Variants in MACROH2A1 observed in about 807,000 individuals in gnomAD.
MACROH2A1 encodes the protein core histone macro-H2A.1.
A neutral mutation model predicts 31.6 loss-of-function variants in MACROH2A1; 2 were observed. That is an observed-to-expected ratio of 0.06 (90% confidence interval 0.03 to 0.20). The LOEUF is 0.20. MACROH2A1 is among the 10% of genes least tolerant of loss of function. MACROH2A1 has a pLI of 1.00. For missense variants in MACROH2A1, 230 were observed against 474.0 expected, an observed-to-expected ratio of 0.49 and a Z score of 4.78; for synonymous variants, 169 against 189.6, an observed-to-expected ratio of 0.89 and a Z score of 0.89.
intron 8 of MACROH2A1, among the ~76,000 whole-genome samples, chr5:135,341,249 G>A (rs1377423316): frequency 6.6e-6 from 1 of 152,220 alleles, no homozygotes; most frequent in Non-Finnish European, 1.5e-5. Context: ...CAGAGAGGCT[G>A]ATTCATTTAA....
intron 2 of MACROH2A1, among the ~76,000 whole-genome samples, chr5:135,380,175 A>T (rs1022523322): frequency 6.6e-6 from 1 of 152,032 alleles, no homozygotes. Context: ...TCAATAAAAA[A>T]CTATTTACCA....
intron 5 of MACROH2A1, chr5:135,354,626 G>A (rs1761955473): frequency 5.4e-6 from 1 of 186,320 alleles, no homozygotes; most frequent in Admixed American, 5.6e-5. Flanking sequence ...TCAGAGCCCT[G>A]GCACCAGGAC....
chr5:135,391,834 G>A (rs368655936), intron 1 of MACROH2A1, among the ~76,000 whole-genome samples: 23 of 152,154 alleles, frequency 1.5e-4, no homozygotes, highest in African/African-American at 2.9e-4. Context: ...CCCTCCCTGC[G>A]TTGGTTCAGC....
At chr5:135,383,746 T>TGTGTGTGTGTG (rs1581331556) in intron 2 of MACROH2A1, among the ~76,000 whole-genome samples, 1 of 147,482 alleles carries the variant, frequency 6.8e-6, no homozygotes, top group Non-Finnish European at 1.5e-5. Flanking sequence ...TGTGTGTGTG[T>TGTGTGTGTGTG]TTTAATTTTA....
rs1031221893 is a variant in MACROH2A1, at chr5:135,343,074, T to A, written c.953+186A>T. Reference sequence around the variant, plus strand: ...TTAAGTTTTATATCATCCTTGGGATTTGGGTCTCTCTAATTGTCCCTCACC... The same window carrying A: ...TTAAGTTTTATATCATCCTTGGGATATGGGTCTCTCTAATTGTCCCTCACC... On this transcript the variant is annotated intron_variant, in intron 8 of 8. Coordinates refer to ENST00000511689, the MANE Select transcript of MACROH2A1 (RefSeq NM_138610.3). 2.2e-6 allele frequency: 3 copies of A among 1,390,986 alleles called. No homozygotes were observed. The African/African-American group carries it at 4.3e-5, about 20-fold the overall frequency. The allele number at this position is 1,390,986 out of a possible 1,614,324, so 86.2% of individuals were successfully genotyped here. A position where few individuals can be genotyped will look rare whatever the true frequency, so the allele number is the denominator to read the frequency against.
rs1758377504 is a variant in MACROH2A1 at position 135,334,701 on chromosome 5, T to C, written c.*275A>G. On this transcript the variant is annotated 3_prime_UTR_variant, in exon 9 of 9. Transcript: ENST00000511689. ...CTGCTGTGCGTCAATCAGGGTTTCA[T>C]TAAAATAAAACTATAAAATCTCCTA... is the stretch of plus-strand genomic sequence containing the variant. 3.0e-6 allele frequency: 1 copy of C among 332,160 alleles called. No individual in the cohort carries two copies. Among genetic ancestry groups the C allele is most frequent in the Admixed American group, 4.4e-5 (1 of 22,484 alleles). 20.6% of individuals were successfully genotyped at this position (332,160 alleles called of 1,614,324 possible).
At chr5:135,346,119 A>G (rs1197915793) in intron 6 of MACROH2A1, 62 bp from the exon 7 acceptor site, 11 of 952,534 alleles carry the variant, frequency 1.2e-5, no homozygotes, top group Non-Finnish European at 1.7e-5. Flanking sequence ...ACAGACACTT[A>G]GCATGTCAGG....
chr5:135,335,216 A>T (rs1758442670), intron 8 of MACROH2A1, 75 bp from the exon 9 acceptor site: 2 of 1,091,742 alleles, frequency 1.8e-6, no homozygotes, highest in African/African-American at 3.1e-5. Flanking sequence ...CTTACAGGCC[A>T]CCTCCCTCTG....
chr5:135,359,461 G>A (rs955239408), intron 5 of MACROH2A1: 9 of 981,992 alleles, frequency 9.2e-6, no homozygotes, highest in Non-Finnish European at 1.1e-5. Context: ...TTTGAAAAAT[G>A]CATACAAAAT....
chr5:135,381,964 G>A (rs1164916106), intron 2 of MACROH2A1, among the ~76,000 whole-genome samples: 2 of 152,198 alleles, frequency 1.3e-5, no homozygotes, highest in Non-Finnish European at 2.9e-5. Context: ...TTCAAAAACC[G>A]AAGTGGAGGA....
At position 135,350,748 on chromosome 5, in the gene MACROH2A1, T is replaced by C. The variant is rs1466852710; in HGVS notation, c.688+2198A>G. 9.4e-6 allele frequency: 8 copies of C among 854,444 alleles called. No homozygotes were observed. The East Asian group carries it at 2.0e-4, about 21-fold the overall frequency. 52.9% of individuals were successfully genotyped at this position (854,444 alleles called of 1,614,324 possible). A position where few individuals can be genotyped will look rare whatever the true frequency, so the allele number is the denominator to read the frequency against. ...AAATGAATGCAGCCCTGCATAGCTG[T>C]CAAAGGATCAAGCTGTCTGCAGCGG... On this transcript the variant is annotated intron_variant, in intron 6 of 8. Transcript: ENST00000511689.
intron 1 of MACROH2A1, among the ~76,000 whole-genome samples, chr5:135,393,973 C>G (rs1184909660): frequency 6.6e-6 from 1 of 152,166 alleles, no homozygotes; most frequent in Non-Finnish European, 1.5e-5. Flanking sequence ...ACAGGCCCCT[C>G]AGCAATCGAG....
intron 8 of MACROH2A1, among the ~76,000 whole-genome samples, chr5:135,339,019 C>CTGTT (rs1759305581): frequency 6.6e-6 from 1 of 152,168 alleles, no homozygotes; most frequent in South Asian, 2.1e-4. Context: ...GATGCGTGCA[C>CTGTT]TGTTTGTTGT....
chr5:135,374,741 G>A (rs1245832032), intron 2 of MACROH2A1, among the ~76,000 whole-genome samples: 1 of 152,170 alleles, frequency 6.6e-6, no homozygotes, highest in African/African-American at 2.4e-5. Context: ...CCAGATCTAT[G>A]GACACAAAAA....
chr5:135,393,027 C>T (rs566966230), intron 1 of MACROH2A1, among the ~76,000 whole-genome samples: 2 of 152,320 alleles, frequency 1.3e-5, no homozygotes, highest in South Asian at 4.1e-4. Context: ...AGATCTTGGA[C>T]ATTTGCGCTG....
intron 4 of MACROH2A1, among the ~76,000 whole-genome samples, chr5:135,366,478 G>T (rs895008119): frequency 2.6e-5 from 4 of 151,926 alleles, no homozygotes; most frequent in African/African-American, 9.7e-5. Flanking sequence ...GAGATGTTCT[G>T]CAACCTGCCA....
intron 2 of MACROH2A1, among the ~76,000 whole-genome samples, chr5:135,379,341 C>T (rs1765338675): frequency 6.6e-6 from 1 of 152,042 alleles, no homozygotes; most frequent in South Asian, 2.1e-4. Context: ...GATGCACTTG[C>T]CTAAAAAGGA....
At chr5:135,368,320 C>T (rs1763771702) in intron 4 of MACROH2A1, among the ~76,000 whole-genome samples, 1 of 152,224 alleles carries the variant, frequency 6.6e-6, no homozygotes, top group Non-Finnish European at 1.5e-5. Context: ...GCTCTGTTCA[C>T]CTGGTCACAG....
At chr5:135,397,223 C>T (rs1237249472) in intron 1 of MACROH2A1, among the ~76,000 whole-genome samples, 3 of 152,086 alleles carry the variant, frequency 2.0e-5, no homozygotes, top group Non-Finnish European at 4.4e-5. Context: ...AGAACACATG[C>T]CCTCTGAGCT....
Sources: allele counts gnomAD v4.1 joint callset (sites outside exome capture counted in the v4.1 genomes callset), GRCh38; gene constraint gnomAD v4.1.1; transcripts MANE v1.5; gene names NCBI Gene and HGNC (gene_info 2026-07-23, HGNC 2026-07-21).